NAALADL2: variants seen among roughly 807,000 people sequenced by gnomAD.
NAALADL2 encodes inactive N-acetylated-alpha-linked acidic dipeptidase-like protein 2.
In NAALADL2, 76 loss-of-function variants were observed where a neutral mutation model predicts 87.2. That is an observed-to-expected ratio of 0.87 (90% confidence interval 0.72 to 1.05). The LOEUF is 1.05. NAALADL2 is among the 50% of genes least tolerant of loss of function. The pLI, the probability that NAALADL2 is intolerant of heterozygous loss-of-function variation, is 0.00. For missense variants in NAALADL2, 1,089 were observed against 945.8 expected, an observed-to-expected ratio of 1.15 and a Z score of -1.99; for synonymous variants, 354 against 331.0, an observed-to-expected ratio of 1.07 and a Z score of -0.75.
At chr3:174,674,222 C>T (rs927248941) in intron 2 of NAALADL2, among the ~76,000 whole-genome samples, 2 of 152,026 alleles carry the variant, frequency 1.3e-5, no homozygotes, top group Admixed American at 6.6e-5. Flanking sequence ...CTCATGCGAA[C>T]TCACTCATCA....
rs537540636 is a variant in NAALADL2 at position 174,533,187 on chromosome 3, G to T, written c.-183-17382G>T. On this transcript the variant is annotated intron_variant, in intron 1 of 3. Transcript: ENST00000434257. ...CAGCCAATGGGGAAGGGGTACAGGGGCAGGACTTGCGTCAGGAATAAAGGC... is the reference window on the plus strand; with the variant it reads ...CAGCCAATGGGGAAGGGGTACAGGGTCAGGACTTGCGTCAGGAATAAAGGC... Among the ~76,000 whole-genome samples, 59 of 147,302 alleles carry T rather than the reference G, an allele frequency of 4.0e-4. No homozygotes were observed. In the South Asian group the frequency reaches 5.0e-3, roughly 13 times the overall value.
intron 1 of NAALADL2, among the ~76,000 whole-genome samples, chr3:174,454,257 ACC>A (rs1715676385): frequency 1.3e-5 from 2 of 152,112 alleles, no homozygotes; most frequent in East Asian, 1.9e-4. Context: ...ATTCTTAGAG[ACC>A]TTCAGAGACT....
At position 174,707,694 on chromosome 3, in the gene NAALADL2, G is replaced by A. The variant is rs549575926; in HGVS notation, c.-114-29947G>A. 1.9e-3 allele frequency among the ~76,000 whole-genome samples: 294 copies of A among 151,798 alleles called. 1 individual carries two copies. Among genetic ancestry groups the A allele is most frequent in the Non-Finnish European group, 3.5e-3 (236 of 67,906 alleles). ...TAGCATTAGGAGATATACCTAATGT[G>A]AATGACGAGTTACTGGGTGCAGCAC... On this transcript the variant is annotated intron_variant, in intron 2 of 3. Transcript: ENST00000434257.
At chr3:175,263,809 C>T (rs1003830497) in intron 4 of NAALADL2, among the ~76,000 whole-genome samples, 4 of 151,364 alleles carry the variant, frequency 2.6e-5, no homozygotes, top group Non-Finnish European at 3.0e-5. Context: ...CAGTTCGCCC[C>T]CTAAAAGTAC....
chr3:174,508,114 G>GTCTTTTTTTTTTT (rs1719327047), intron 1 of NAALADL2, among the ~76,000 whole-genome samples: 1 of 103,884 alleles, frequency 9.6e-6, no homozygotes, highest in South Asian at 3.8e-4. Flanking sequence ...ATATCTAGTG[G>GTCTTTTTTTTTTT]TTTTTTTTTT....
chr3:174,449,460 A>G lies in NAALADL2; in HGVS notation c.-184+8428A>G, dbSNP rs182701679. On this transcript the variant is annotated intron_variant, in intron 1 of 3. Coordinates refer to the NAALADL2 transcript ENST00000434257. Reference sequence around the variant, plus strand: ...ACATTAAGATGATTTATTTTATTTAACCAATATGTCATGAGGATAATTAGT... The same window carrying G: ...ACATTAAGATGATTTATTTTATTTAGCCAATATGTCATGAGGATAATTAGT... 3.7e-4 allele frequency among the ~76,000 whole-genome samples: 57 copies of G among 152,350 alleles called. 1 individual carries two copies. The highest frequency in any genetic ancestry group is 6.6e-4 in the Non-Finnish European group (45 of 68,030).
intron 2 of NAALADL2, among the ~76,000 whole-genome samples, chr3:174,622,779 G>C (rs964768736): frequency 6.6e-6 from 1 of 152,100 alleles, no homozygotes; most frequent in Admixed American, 6.6e-5. Flanking sequence ...GGTGGCTCAC[G>C]CCTGTAATCC....
chr3:175,272,981 A>G (rs1753076172), intron 4 of NAALADL2, among the ~76,000 whole-genome samples: 1 of 152,156 alleles, frequency 6.6e-6, no homozygotes, highest in African/African-American at 2.4e-5. Flanking sequence ...TAAACTACAA[A>G]TCAAGATAAA....
intron 11 of NAALADL2, among the ~76,000 whole-genome samples, chr3:175,693,462 C>A (rs1011360871): frequency 2.6e-4 from 39 of 152,176 alleles, no homozygotes; most frequent in African/African-American, 8.9e-4. Flanking sequence ...TATTACTGAC[C>A]AGGACCCAAG....
chr3:175,335,867 A>C (rs969369810), intron 5 of NAALADL2, among the ~76,000 whole-genome samples: 7 of 152,210 alleles, frequency 4.6e-5, no homozygotes, highest in Non-Finnish European at 1.0e-4. Flanking sequence ...TGAAGAGTAT[A>C]AATGTGGACT....
intron 2 of NAALADL2, among the ~76,000 whole-genome samples, chr3:175,134,499 TATGTGC>T (rs1383485957): frequency 6.6e-6 from 1 of 152,240 alleles, no homozygotes; most frequent in Non-Finnish European, 1.5e-5. Flanking sequence ...GTATTGATCC[TATGTGC>T]CTGGTATTTT....
At chr3:175,060,036 A>G in intron 1 of NAALADL2, 1 of 390,656 alleles carries the variant, frequency 2.6e-6, no homozygotes, top group East Asian at 8.2e-5. Flanking sequence ...CCATGGTGTC[A>G]GCTGTATTTG....
intron 3 of NAALADL2, among the ~76,000 whole-genome samples, chr3:174,828,461 C>G (rs16864897): frequency 6.6e-6 from 1 of 151,960 alleles, no homozygotes; most frequent in African/African-American, 2.4e-5. Flanking sequence ...TATTCTGATT[C>G]AGTTGCTGTA....
At chr3:175,556,159 T>C (rs1275077205) in intron 9 of NAALADL2, among the ~76,000 whole-genome samples, 1 of 152,102 alleles carries the variant, frequency 6.6e-6, no homozygotes, top group East Asian at 1.9e-4. Flanking sequence ...TGCTTCCTCC[T>C]TGGCACACAT....
At chr3:175,120,766 A>T (rs1417897882) in intron 2 of NAALADL2, among the ~76,000 whole-genome samples, 2 of 151,676 alleles carry the variant, frequency 1.3e-5, no homozygotes, top group African/African-American at 4.8e-5. Context: ...TTCTTTGAAA[A>T]CCCCAAACAA....
At chr3:175,792,889 G>T (rs2184207) in intron 13 of NAALADL2, among the ~76,000 whole-genome samples, 90,500 of 152,040 alleles carry the variant, frequency 0.6, 29,156 homozygotes, top group African/African-American at 0.86. Context: ...GATGTGGCAT[G>T]TATAGATTTC....
chr3:175,189,721 G>A (rs534019023), intron 2 of NAALADL2, among the ~76,000 whole-genome samples: 2 of 152,136 alleles, frequency 1.3e-5, no homozygotes, highest in Non-Finnish European at 2.9e-5. Context: ...ACACAGCCTC[G>A]AATTCACGTG....
At chr3:174,914,038 T>C (rs191592308) in intron 1 of NAALADL2, among the ~76,000 whole-genome samples, 2,294 of 146,034 alleles carry the variant, frequency 0.016, 62 homozygotes, top group African/African-American at 0.059. Flanking sequence ...TTTTTGGTTT[T>C]ATATATATAT....
chr3:174,941,290 T>G (rs1336074569), intron 1 of NAALADL2, among the ~76,000 whole-genome samples: 1 of 152,152 alleles, frequency 6.6e-6, no homozygotes, highest in Admixed American at 6.6e-5. Context: ...TGTTTGATTT[T>G]CATGTAATTG....
Sources: gnomAD v4.1 joint callset for allele counts (sites outside exome capture counted in the v4.1 genomes callset) on GRCh38, gnomAD v4.1.1 for gene constraint, MANE v1.5 for transcripts, NCBI Gene and HGNC (gene_info 2026-07-23, HGNC 2026-07-21) for gene names.